PIF1: variants seen among roughly 807,000 people sequenced by gnomAD.
PIF1 encodes PIF1 5'-to-3' DNA helicase.
In PIF1, 67 loss-of-function variants were observed where a neutral mutation model predicts 62.3. The ratio of observed to expected loss-of-function variants is 1.08; its 90% CI spans 0.88 to 1.32. The LOEUF is 1.32. Among genes scored for constraint, PIF1 ranks in the 40% most tolerant of loss-of-function variants. The probability of loss-of-function intolerance (pLI) is 0.00; values close to 1 mark genes in which losing one functional copy is unlikely to be tolerated. For synonymous variants in PIF1, 364 were observed against 379.5 expected, an observed-to-expected ratio of 0.96 and a Z score of 0.47; for missense variants, 886 against 866.1, an observed-to-expected ratio of 1.02 and a Z score of -0.29.
At chr15:64,820,049 G>A in intron 7 of PIF1, 63 bp from the exon 8 acceptor site, 1 of 1,570,192 alleles carries the variant, frequency 6.4e-7, no homozygotes, top group Non-Finnish European at 8.7e-7. Flanking sequence ...GGGAACATGG[G>A]CAGGATGGCT....
upstream of PIF1, among the ~76,000 whole-genome samples, chr15:64,826,665 T>TATATATATATATATACAC (rs796684934): frequency 2.1e-4 from 9 of 42,792 alleles, no homozygotes; most frequent in East Asian, 1.0e-3. Flanking sequence ...TATATATATA[T>TATATATATATATATACAC]ACACACACAC....
chr15:64,817,646 C>G (rs7495136), intron 11 of PIF1, among the ~76,000 whole-genome samples: 61,248 of 151,702 alleles, frequency 0.4, 13,291 homozygotes, highest in Non-Finnish European at 0.48. Flanking sequence ...AGTGGATCAC[C>G]AGGTCAGGAG....
upstream of PIF1, among the ~76,000 whole-genome samples, chr15:64,826,665 T>TATATATATATATACACACAC (rs796684934): frequency 2.3e-5 from 1 of 42,790 alleles, no homozygotes; most frequent in Non-Finnish European, 4.2e-5. Flanking sequence ...TATATATATA[T>TATATATATATATACACACAC]ACACACACAC....
rs373256308 is a variant in PIF1 at position 64,822,649 on chromosome 15, C to T, written c.559-39G>A. 5.2e-5 allele frequency: 84 copies of T among 1,610,862 alleles called. 1 individual carries two copies. The highest frequency in any genetic ancestry group is 3.2e-4 in the South Asian group (29 of 90,786). On this transcript the variant is annotated intron_variant, in intron 2 of 12. Coordinates refer to ENST00000559239, the MANE Select transcript of PIF1 (RefSeq NM_001286496.2). ...AGCTATCTCAGAGCATCCTCCCACC[C>T]GCTAGGCATTGCCCCCACCCTTCTT...
Position 64,818,270 on chromosome 15 carries a change from C to T in PIF1, c.1515G>A (p.Glu505=), listed in dbSNP as rs781676931. The T allele has an allele frequency of 6.2e-7, 1 of 1,614,204 alleles. No homozygotes were observed. The highest frequency in any genetic ancestry group is 2.2e-5 in the East Asian group (1 of 44,882). ...CCCAACACTTACCTCTCCCTTCTGCCTCGAACCCAACTACCACCCCTCGGG... is the reference window on the plus strand; with the variant it reads ...CCCAACACTTACCTCTCCCTTCTGCTTCGAACCCAACTACCACCCCTCGGG... The part of the protein sequence containing the change: ...NGARGVVVGF[E]AEGRGLPQVR... Residue 505 remains glutamate, a synonymous_variant, in exon 10 of 13, where the codon GAG becomes GAA. Coordinates refer to ENST00000559239, the MANE Select transcript of PIF1 (RefSeq NM_001286496.2).
chr15:64,818,610 A>C, intron 9 of PIF1: 1 of 465,662 alleles, frequency 2.1e-6, no homozygotes, highest in East Asian at 4.2e-5. Flanking sequence ...GGCAACCTCT[A>C]TCACAGGGCT....
At chr15:64,821,565 CTTTTTT>C (rs56305637) in intron 4 of PIF1, 45 bp from the exon 5 acceptor site, 40,603 of 1,214,882 alleles carry the variant, frequency 0.033, 17 homozygotes, top group Non-Finnish European at 0.035. Flanking sequence ...CAAAGCCTCT[CTTTTTT>C]TTTTTTTTTT....
chr15:64,819,240 G>T lies in PIF1; in HGVS notation c.1334-17C>A. The T allele has an allele frequency of 6.5e-7, 1 of 1,542,592 alleles. No individual in the cohort carries two copies. Among genetic ancestry groups the T allele is most frequent in the South Asian group, 1.2e-5 (1 of 84,314 alleles). On this transcript the variant is annotated splice_polypyrimidine_tract_variant and intron_variant, in intron 8 of 12. Coordinates refer to ENST00000559239, the MANE Select transcript of PIF1 (RefSeq NM_001286496.2). ...GTACCTTACCTGGAGAAAAAGAGTTGAGCAAACAGATCACAAATCACTGAC... is the reference window on the plus strand; with the variant it reads ...GTACCTTACCTGGAGAAAAAGAGTTTAGCAAACAGATCACAAATCACTGAC...
At chr15:64,824,399 G>C in intron 1 of PIF1, 45 bp from the exon 2 acceptor site, 1 of 1,197,926 alleles carries the variant, frequency 8.3e-7, no homozygotes, top group South Asian at 4.1e-5. Flanking sequence ...TTCATGAGAC[G>C]TAATGGGTGC....
rs1229228501 is a variant in PIF1, at chr15:64,816,071, C to T, written c.*227G>A. On this transcript the variant is annotated 3_prime_UTR_variant, in exon 13 of 13. Transcript: ENST00000559239. The stretch of plus-strand genomic sequence containing the variant: ...CTGGCACAGAAAGGGTTACTTCTGA[C>T]CCTACAGCAGCTTACCCAGGGCAAA... 1.4e-6 allele frequency: 2 copies of T among 1,456,834 alleles called. No homozygotes were observed. The highest frequency in any genetic ancestry group is 2.6e-5 in the Admixed American group (1 of 38,134). The allele number at this position is 1,456,834 out of a possible 1,614,324, so 90.2% of individuals were successfully genotyped here.
At chr15:64,818,193 C>T in intron 10 of PIF1, 64 bp downstream of exon 10, 3 of 1,609,838 alleles carry the variant, frequency 1.9e-6, no homozygotes, top group Admixed American at 1.7e-5. Context: ...TTTCTCCCCC[C>T]ACCATTCCCG....
chr15:64,824,226 G>A lies in PIF1; in HGVS notation c.110C>T (p.Ala37Val), dbSNP rs77981470. The change falls in exon 2 of 13, where the codon GCC becomes GTC. Residue 37 changes from alanine to valine, a missense_variant. Transcript: ENST00000559239. ...SPGGQPRRRQ[A>V]LRTAELSLGR... The stretch of plus-strand genomic sequence containing the variant: ...CAGGCTCAGCTCCGCGGTGCGCAGG[G>A]CCTGGCGCCTTCGCGGCTGCCCGCC... 9,199 of 1,327,080 alleles carry A rather than the reference G, an allele frequency of 6.9e-3. 39 individuals carry two copies. The highest frequency in any genetic ancestry group is 8.1e-3 in the Non-Finnish European group (8,365 of 1,031,664). 82.2% of individuals were successfully genotyped at this position (1,327,080 alleles called of 1,614,324 possible).
Position 64,819,114 on chromosome 15 carries a change from C to G in PIF1, c.1440+3G>C, listed in dbSNP as rs1194394672. 7 of 1,582,178 alleles carry G rather than the reference C, an allele frequency of 4.4e-6. No individual in the cohort carries two copies. In the East Asian group the frequency reaches 1.6e-4, roughly 37 times the overall value. ...CAGGGGCTAGGCCCTGCTTCCCACT[C>G]ACCTGGGCCCCCAGCTTTAGTTGAA... On this transcript the variant is annotated splice_donor_region_variant and intron_variant, in intron 9 of 12. Coordinates refer to ENST00000559239, the MANE Select transcript of PIF1 (RefSeq NM_001286496.2).
intron 11 of PIF1, among the ~76,000 whole-genome samples, chr15:64,817,290 C>T (rs12148913): frequency 0.34 from 50,911 of 151,966 alleles, 8,868 homozygotes; most frequent in Middle Eastern, 0.4. Context: ...TGGTGGCTCA[C>T]GCCTATAATC....
rs753542692 is a variant in PIF1 at position 64,824,196 on chromosome 15, C to A, written c.140G>T (p.Arg47Leu). The change falls in exon 2 of 13, where the codon CGC becomes CTC. Residue 47 changes from arginine to leucine, a missense_variant. Arg to Leu is a moderately radical substitution (Grantham distance 102). Coordinates refer to ENST00000559239, the MANE Select transcript of PIF1 (RefSeq NM_001286496.2). ...CAGCATCAACTCGCGGCGCTCGTTG[C>A]GACCCAGGCTCAGCTCCGCGGTGCG... ...ALRTAELSLG[R>L]NERRELMLRL... 13 of 1,349,486 alleles carry A rather than the reference C, an allele frequency of 9.6e-6. No homozygotes were observed. The highest frequency in any genetic ancestry group is 1.8e-5 in the South Asian group (1 of 55,220). The allele number at this position is 1,349,486 out of a possible 1,614,324, so 83.6% of individuals were successfully genotyped here. A position where few individuals can be genotyped will look rare whatever the true frequency, so the allele number is the denominator to read the frequency against.
At position 64,821,840 on chromosome 15, in the gene PIF1, C is replaced by T. The variant is rs186071989; in HGVS notation, c.818-320G>A. 1.5e-3 allele frequency: 464 copies of T among 304,310 alleles called. 6 individuals are homozygous for T. The East Asian group carries it at 0.032, about 21-fold the overall frequency. The allele number at this position is 304,310 out of a possible 1,614,324, so 18.9% of individuals were successfully genotyped here. A position where few individuals can be genotyped will look rare whatever the true frequency, so the allele number is the denominator to read the frequency against. ...CTGCAAGCTCTGCCTCCTGGGTTCA[C>T]GCCATTCTCCTGCCTCAGCCTCCAG... is the stretch of plus-strand genomic sequence containing the variant. On this transcript the variant is annotated intron_variant, in intron 4 of 12. Coordinates refer to ENST00000559239, the MANE Select transcript of PIF1 (RefSeq NM_001286496.2).
intron 1 of PIF1, among the ~76,000 whole-genome samples, chr15:64,825,182 G>A (rs1010419228): frequency 2.0e-5 from 3 of 151,836 alleles, no homozygotes; most frequent in African/African-American, 7.3e-5. Context: ...AATCCTCAGA[G>A]TACTCTCCCC....
Position 64,818,342 on chromosome 15 carries a change from C to G in PIF1, c.1443G>C (p.Val481=), listed in dbSNP as rs753240001. The G allele has an allele frequency of 1.1e-5, 18 of 1,613,936 alleles. No homozygotes were observed. Among genetic ancestry groups the G allele is most frequent in the Non-Finnish European group, 1.4e-5 (17 of 1,179,962 alleles). ...ACACCGATAAGTTTTTCACCAGCAT[C>G]ACCTGCAAGGGAGAGAGAGGAATGG... ...QLLQLKLGAQ[V]MLVKNLSVSR... Residue 481 remains valine (V), a splice_region_variant and synonymous_variant, in exon 10 of 13, where the codon GTG becomes GTC. Transcript: ENST00000559239.
intron 9 of PIF1, 63 bp from the exon 10 acceptor site, chr15:64,818,407 A>G (rs1595812963): frequency 4.6e-6 from 7 of 1,511,158 alleles, no homozygotes; most frequent in South Asian, 4.6e-5. Flanking sequence ...TAGCTTCGCC[A>G]TGGCTGTTCT....
Sources: allele counts gnomAD v4.1 joint callset (sites outside exome capture counted in the v4.1 genomes callset), GRCh38; gene constraint gnomAD v4.1.1; transcripts MANE v1.5; gene names NCBI Gene and HGNC (gene_info 2026-07-23, HGNC 2026-07-21).